ZBTB7C: variants seen among roughly 807,000 people sequenced by gnomAD.
ZBTB7C encodes zinc finger and BTB domain containing 7C.
A neutral mutation model predicts 25.7 loss-of-function variants in ZBTB7C; 8 were observed. The ratio of observed to expected loss-of-function variants is 0.31; its 90% CI spans 0.18 to 0.56. ZBTB7C has a LOEUF of 0.56. Ranked by LOEUF, ZBTB7C falls within the 20% of genes least tolerant of loss-of-function variation. The pLI, the probability that ZBTB7C is intolerant of heterozygous loss-of-function variation, is 0.91. For synonymous variants in ZBTB7C, 394 were observed against 369.0 expected, an observed-to-expected ratio of 1.07 and a Z score of -0.78; for missense variants, 824 against 855.2, an observed-to-expected ratio of 0.96 and a Z score of 0.46.
intron 3 of ZBTB7C, among the ~76,000 whole-genome samples, chr18:48,131,625 A>G (rs1408730428): frequency 6.6e-6 from 1 of 152,212 alleles, no homozygotes; most frequent in Non-Finnish European, 1.5e-5. Context: ...TGGAGCTGAA[A>G]TATCAGCATG....
chr18:48,264,927 A>G (rs1226019888), intron 2 of ZBTB7C, among the ~76,000 whole-genome samples: 2 of 152,206 alleles, frequency 1.3e-5, no homozygotes, highest in African/African-American at 4.8e-5. Flanking sequence ...CAGATGAGAA[A>G]GTAAAAGACA....
At chr18:48,093,083 C>T (rs1312201110) in intron 3 of ZBTB7C, among the ~76,000 whole-genome samples, 1 of 152,180 alleles carries the variant, frequency 6.6e-6, no homozygotes, top group Non-Finnish European at 1.5e-5. Context: ...TGAGGGAACT[C>T]ACGATTAACA....
intron 3 of ZBTB7C, among the ~76,000 whole-genome samples, chr18:48,047,649 A>T (rs1250731763): frequency 6.6e-6 from 1 of 152,068 alleles, no homozygotes; most frequent in Non-Finnish European, 1.5e-5. Context: ...AAAAAATGGC[A>T]CTTCCCTCTC....
intron 2 of ZBTB7C, among the ~76,000 whole-genome samples, chr18:48,227,207 G>C (rs2043125885): frequency 6.6e-6 from 1 of 152,210 alleles, no homozygotes; most frequent in South Asian, 2.1e-4. Flanking sequence ...CGAACTGAAA[G>C]GCCACTGTAT....
rs1334599274 is a variant in ZBTB7C at position 48,218,072 on chromosome 18, C to T, written c.-78-32077G>A. On this transcript the variant is annotated intron_variant, in intron 2 of 4. Coordinates refer to ENST00000590800, the MANE Select transcript of ZBTB7C (RefSeq NM_001318841.2). ...AAAAGGTCATGGAGCCCTACCTGCACCTGCAAGTCCAGGGTGCCTGGTTCA... is the reference window on the plus strand; with the variant it reads ...AAAAGGTCATGGAGCCCTACCTGCATCTGCAAGTCCAGGGTGCCTGGTTCA... 2.0e-5 allele frequency among the ~76,000 whole-genome samples: 3 copies of T among 152,254 alleles called. No individual in the cohort carries two copies. The South Asian group carries it at 6.2e-4, about 32-fold the overall frequency.
At chr18:48,129,014 G>A (rs563601614) in intron 3 of ZBTB7C, among the ~76,000 whole-genome samples, 98 of 152,172 alleles carry the variant, frequency 6.4e-4, no homozygotes, top group Non-Finnish European at 1.3e-3. Context: ...AACTAGGTTT[G>A]GTCATCAGAA....
chr18:48,103,656 T>C (rs1352937975), intron 3 of ZBTB7C, among the ~76,000 whole-genome samples: 1 of 152,194 alleles, frequency 6.6e-6, no homozygotes. Flanking sequence ...CAGCATTATT[T>C]GTGAGAGCCC....
chr18:48,035,992 G>C (rs1426464265), intron 4 of ZBTB7C, among the ~76,000 whole-genome samples: 2 of 152,242 alleles, frequency 1.3e-5, no homozygotes, highest in African/African-American at 4.8e-5. Flanking sequence ...CGGTGTCTTT[G>C]AACTAAACCG....
At chr18:48,171,840 A>G (rs1271901078) in intron 3 of ZBTB7C, among the ~76,000 whole-genome samples, 1 of 152,250 alleles carries the variant, frequency 6.6e-6, no homozygotes, top group Non-Finnish European at 1.5e-5. Context: ...GAGAAAATGG[A>G]GGCTCAGACA....
At chr18:48,239,638 TC>T (rs2043470825) in intron 2 of ZBTB7C, among the ~76,000 whole-genome samples, 1 of 152,110 alleles carries the variant, frequency 6.6e-6, no homozygotes, top group African/African-American at 2.4e-5. Flanking sequence ...GTAGTCTGGC[TC>T]TCAGGAAGCC....
chr18:48,202,279 A>G (rs2042469356), intron 2 of ZBTB7C, among the ~76,000 whole-genome samples: 1 of 152,276 alleles, frequency 6.6e-6, no homozygotes, highest in Admixed American at 6.5e-5. Context: ...CCTCATGGGC[A>G]GGGCTGGAGT....
intron 2 of ZBTB7C, among the ~76,000 whole-genome samples, chr18:48,255,782 A>C (rs2044004793): frequency 6.6e-6 from 1 of 152,204 alleles, no homozygotes; most frequent in African/African-American, 2.4e-5. Context: ...TGAAAATAAA[A>C]GCCAATTAAC....
upstream of ZBTB7C, among the ~76,000 whole-genome samples, chr18:48,410,044 G>A (rs1160937851): frequency 6.6e-6 from 1 of 152,032 alleles, no homozygotes; most frequent in East Asian, 1.9e-4. Context: ...GGGCTCTGCC[G>A]CCCCGGCGCA....
At chr18:48,389,791 C>T (rs2047855778) in intron 1 of ZBTB7C, among the ~76,000 whole-genome samples, 1 of 152,152 alleles carries the variant, frequency 6.6e-6, no homozygotes, top group East Asian at 1.9e-4. Context: ...CTGTAAGGCA[C>T]GATTGAATGT....
intron 1 of ZBTB7C, among the ~76,000 whole-genome samples, chr18:48,391,160 T>C (rs1165164391): frequency 6.6e-6 from 1 of 152,228 alleles, no homozygotes; most frequent in Non-Finnish European, 1.5e-5. Flanking sequence ...CCATGGCATC[T>C]GGGTGACCGC....
At chr18:48,344,653 A>AAATTATG (rs1311999807) in intron 1 of ZBTB7C, among the ~76,000 whole-genome samples, 1 of 152,242 alleles carries the variant, frequency 6.6e-6, no homozygotes, top group African/African-American at 2.4e-5. Flanking sequence ...ACGCTTTATG[A>AAATTATG]AATTATGACA....
intron 2 of ZBTB7C, among the ~76,000 whole-genome samples, chr18:48,334,660 GTA>G (rs1332975607): frequency 3.3e-5 from 5 of 152,146 alleles, no homozygotes; most frequent in Non-Finnish European, 7.3e-5. Flanking sequence ...AATAAAATGT[GTA>G]CTCCCTCCAG....
chr18:48,199,591 T>C (rs913088824), intron 2 of ZBTB7C, among the ~76,000 whole-genome samples: 14 of 152,158 alleles, frequency 9.2e-5, no homozygotes, highest in African/African-American at 3.4e-4. Context: ...CTCTATTCCT[T>C]CGAGCTCTTT....
intron 4 of ZBTB7C, among the ~76,000 whole-genome samples, chr18:48,030,164 C>G (rs561820603): frequency 5.9e-5 from 9 of 152,152 alleles, no homozygotes; most frequent in African/African-American, 2.2e-4. Flanking sequence ...CTTTTATACC[C>G]GAGCTCAGAG....
Sources: allele counts gnomAD v4.1 joint callset (sites outside exome capture counted in the v4.1 genomes callset), GRCh38; gene constraint gnomAD v4.1.1; transcripts MANE v1.5; gene names NCBI Gene and HGNC (gene_info 2026-07-23, HGNC 2026-07-21).